Variants in MAP2 observed in about 807,000 individuals in gnomAD.
MAP2 encodes microtubule-associated protein 2.
A neutral mutation model predicts 137.6 loss-of-function variants in MAP2; 14 were observed. The ratio of observed to expected loss-of-function variants is 0.10; its 90% CI spans 0.07 to 0.16. The LOEUF (loss-of-function observed/expected upper bound fraction) is 0.16, where lower values mean the gene tolerates loss of function less well. MAP2 is among the 10% of genes least tolerant of loss of function. MAP2 has a pLI of 1.00. For missense variants in MAP2, 2,088 were observed against 2,191.5 expected (o/e 0.95, Z 0.94); for synonymous variants, 786 against 782.3 (o/e 1.00, Z -0.08).
intron 7 of MAP2, among the ~76,000 whole-genome samples, chr2:209,686,391 T>C (rs1183198007): frequency 1.3e-5 from 2 of 152,232 alleles, no homozygotes; most frequent in Non-Finnish European, 2.9e-5. Flanking sequence ...CAGCACTTGG[T>C]TGCCAAAAAT....
intron 1 of MAP2, among the ~76,000 whole-genome samples, chr2:209,432,772 CT>C (rs985708495): frequency 6.6e-6 from 1 of 152,118 alleles, no homozygotes; most frequent in Non-Finnish European, 1.5e-5. Context: ...TGGTCTTCCT[CT>C]GAAGTGTCTT....
At chr2:209,708,791 T>C (rs966550573) in intron 12 of MAP2, among the ~76,000 whole-genome samples, 52 of 152,318 alleles carry the variant, frequency 3.4e-4, no homozygotes, top group African/African-American at 1.2e-3. Flanking sequence ...CTTAAAAATG[T>C]AAATCCTCAG....
At chr2:209,533,430 A>T (rs1052841366) in intron 2 of MAP2, among the ~76,000 whole-genome samples, 4 of 152,174 alleles carry the variant, frequency 2.6e-5, no homozygotes, top group African/African-American at 9.7e-5. Flanking sequence ...CAGGCAAGCC[A>T]TGTTTTTAAA....
intron 12 of MAP2, 72 bp from the exon 13 acceptor site, chr2:209,709,842 C>A: frequency 9.3e-7 from 1 of 1,076,192 alleles, no homozygotes; most frequent in Non-Finnish European, 1.4e-6. Context: ...TTCTAACAAT[C>A]TATGGGAAGA....
chr2:209,724,544 A>G (rs970982571), intron 13 of MAP2, among the ~76,000 whole-genome samples: 1 of 152,038 alleles, frequency 6.6e-6, no homozygotes, highest in Non-Finnish European at 1.5e-5. Context: ...CTCTTTGGCT[A>G]CTTGCTTCCC....
chr2:209,672,306 A>G (rs918729473), intron 5 of MAP2, among the ~76,000 whole-genome samples: 1 of 151,906 alleles, frequency 6.6e-6, no homozygotes, highest in Non-Finnish European at 1.5e-5. Flanking sequence ...ACTCATTGGG[A>G]AAAATGACAG....
chr2:209,515,966 T>C (rs1252964400), intron 2 of MAP2, among the ~76,000 whole-genome samples: 1 of 151,960 alleles, frequency 6.6e-6, no homozygotes, highest in Non-Finnish European at 1.5e-5. Flanking sequence ...TTTTTTTTCT[T>C]TTATTTTTTG....
intron 1 of MAP2, among the ~76,000 whole-genome samples, chr2:209,456,828 C>A (rs1701642803): frequency 6.6e-6 from 1 of 152,246 alleles, no homozygotes; most frequent in South Asian, 2.1e-4. Flanking sequence ...AAACTGCAAA[C>A]TCCATGTAAA....
intron 1 of MAP2, among the ~76,000 whole-genome samples, chr2:209,465,844 A>T (rs981952114): frequency 1.3e-5 from 2 of 152,134 alleles, no homozygotes; most frequent in Admixed American, 6.5e-5. Flanking sequence ...TAGATATATC[A>T]ATGGGCTGTA....
intron 7 of MAP2, 51 bp from the exon 8 acceptor site, chr2:209,692,574 C>A: frequency 6.6e-7 from 1 of 1,507,640 alleles, no homozygotes; most frequent in Non-Finnish European, 8.8e-7. Flanking sequence ...AAGCTTATTT[C>A]CTGAACGCAC....
At chr2:209,505,876 G>C (rs71420757) in intron 1 of MAP2, among the ~76,000 whole-genome samples, 8,794 of 152,092 alleles carry the variant, frequency 0.058, 289 homozygotes, top group South Asian at 0.092. Flanking sequence ...GGAGGCTGAG[G>C]TGGGAGGACC....
intron 1 of MAP2, among the ~76,000 whole-genome samples, chr2:209,489,855 A>G (rs1262410675): frequency 1.3e-5 from 2 of 152,226 alleles, no homozygotes; most frequent in Non-Finnish European, 2.9e-5. Flanking sequence ...TGGAACCAAG[A>G]TGGAAAACAC....
chr2:209,568,573 T>C (rs1186717531), intron 2 of MAP2, among the ~76,000 whole-genome samples: 1 of 151,964 alleles, frequency 6.6e-6, no homozygotes, highest in Non-Finnish European at 1.5e-5. Flanking sequence ...GTTTAAAATA[T>C]TGAGATATAT....
chr2:209,606,263 A>G (rs1484685649), intron 3 of MAP2, among the ~76,000 whole-genome samples: 1 of 152,000 alleles, frequency 6.6e-6, no homozygotes, highest in Non-Finnish European at 1.5e-5. Flanking sequence ...GTTTCTAAAT[A>G]TGTGTCTATG....
intron 4 of MAP2, among the ~76,000 whole-genome samples, chr2:209,625,553 G>A (rs770366748): frequency 9.2e-5 from 14 of 152,040 alleles, no homozygotes; most frequent in Admixed American, 3.9e-4. Context: ...GAGATTAGGG[G>A]CATGAGGCAG....
Position 209,678,637 on chromosome 2 carries a change from C to A in MAP2, c.328C>A (p.Gln110Lys), listed in dbSNP as rs138065981. ...GGCTGTAGCAGTCCTGAAAGGTGAA[C>A]AAGAGAAAGAAGCTCAACATAAAGA... ...AEAVAVLKGE[Q>K]EKEAQHKDQT... is the part of the protein sequence containing the mutation. The change falls in exon 6 of 16, where the codon CAA (glutamine) becomes AAA (lysine). Residue 110 changes from glutamine (Q) to lysine (K), a missense_variant. Around this residue, in one of 6 missense-constraint regions of MAP2, gnomAD observed 859 missense variants for 794.5 expected, o/e 1.08. Coordinates refer to ENST00000682079, the MANE Select transcript of MAP2 (RefSeq NM_001375505.1). 5.3e-4 allele frequency: 844 copies of A among 1,606,270 alleles called. 2 individuals carry two copies. The Middle Eastern group carries it at 5.6e-3, about 11-fold the overall frequency.
intron 11 of MAP2, chr2:209,704,504 T>C (rs757552910): frequency 3.3e-5 from 53 of 1,612,898 alleles, no homozygotes; most frequent in Non-Finnish European, 4.2e-5. Flanking sequence ...GTCCCCAAGA[T>C]ACAGCTCAGC....
chr2:209,680,872 T>G (rs1449643633), intron 7 of MAP2, 45 bp downstream of exon 7: 5 of 1,529,538 alleles, frequency 3.3e-6, no homozygotes, highest in Non-Finnish European at 3.6e-6. Context: ...TGTTAAAGTG[T>G]GAACAATAAA....
chr2:209,695,339 G>A lies in MAP2; in HGVS notation c.3169G>A (p.Ala1057Thr), dbSNP rs772320146. 3.7e-6 allele frequency: 6 copies of A among 1,613,902 alleles called. No homozygotes were observed. Among genetic ancestry groups the A allele is most frequent in the African/African-American group, 1.3e-5 (1 of 74,918 alleles). Reference protein sequence around the residue: ...DVKISDFGQMASGLNIDDRRA... With the variant: ...DVKISDFGQMTSGLNIDDRRA... ...TAAAATTAGTGACTTTGGACAGATG[G>A]CTTCAGGGCTAAACATAGATGATAG... Residue 1057 changes from alanine to threonine, a missense_variant, in exon 8 of 16, where the codon GCT becomes ACT. Physicochemically the swap from Ala to Thr is moderately conservative, Grantham distance 58 (BLOSUM62 0). Coordinates refer to ENST00000682079, the MANE Select transcript of MAP2 (RefSeq NM_001375505.1).
Sources: allele counts gnomAD v4.1 joint callset (sites outside exome capture counted in the v4.1 genomes callset), GRCh38; gene constraint gnomAD v4.1.1; regional missense constraint gnomAD v4.1.1; transcripts MANE v1.5; gene names NCBI Gene and HGNC (gene_info 2026-07-23, HGNC 2026-07-21).